The following LPP variants were observed in gnomAD, a reference collection of about 807,000 sequenced individuals.
LPP encodes lipoma-preferred partner.
LPP carries 38 observed loss-of-function variants against 60.4 expected under a neutral mutation model. The observed-to-expected ratio is 0.63, with a 90% confidence interval of 0.49 to 0.83. LPP has a LOEUF of 0.83. LPP is among the 40% of genes least tolerant of loss of function. The pLI is 0.00. For synonymous variants in LPP, 328 were observed against 290.8 expected (o/e 1.13, Z -1.30); for missense variants, 902 against 783.6 (o/e 1.15, Z -1.80).
chr3:188,617,541 C>G (rs1580432104), intron 7 of LPP, among the ~76,000 whole-genome samples: 1 of 152,174 alleles, frequency 6.6e-6, no homozygotes, highest in African/African-American at 2.4e-5. Context: ...TGTCTCACAG[C>G]TGCTCCTGTG....
chr3:188,662,618 C>T (rs1854842834), intron 7 of LPP, among the ~76,000 whole-genome samples: 1 of 152,322 alleles, frequency 6.6e-6, no homozygotes, highest in Non-Finnish European at 1.5e-5. Flanking sequence ...GTTCCAACAT[C>T]TTGTTGAATA....
At chr3:188,244,765 A>G (rs982521633) in intron 2 of LPP, among the ~76,000 whole-genome samples, 32 of 152,164 alleles carry the variant, frequency 2.1e-4, no homozygotes, top group African/African-American at 7.7e-4. Context: ...CTTTGGCTTA[A>G]TCACACTGCC....
chr3:188,594,428 G>A (rs1049187622), intron 6 of LPP, among the ~76,000 whole-genome samples: 5 of 152,124 alleles, frequency 3.3e-5, no homozygotes, highest in African/African-American at 4.8e-5. Context: ...GCAGTGGAGC[G>A]CTGTGTTCCA....
intron 4 of LPP, among the ~76,000 whole-genome samples, chr3:188,407,787 T>TTG (rs775435868): frequency 1.0e-5 from 1 of 100,294 alleles, no homozygotes; most frequent in Non-Finnish European, 2.0e-5. Context: ...TTTGTTTGTT[T>TTG]GTTTTTTTTT....
chr3:188,419,206 T>C (rs1187189432), intron 4 of LPP, among the ~76,000 whole-genome samples: 1 of 152,216 alleles, frequency 6.6e-6, no homozygotes, highest in Non-Finnish European at 1.5e-5. Flanking sequence ...TACTGGGTCC[T>C]ATTCACTTCC....
At chr3:188,860,571 G>A (rs1764948612) in intron 9 of LPP, among the ~76,000 whole-genome samples, 1 of 151,804 alleles carries the variant, frequency 6.6e-6, no homozygotes, top group South Asian at 2.1e-4. Context: ...GAACCCACTT[G>A]AAACACACTG....
At chr3:188,351,319 C>G (rs1053193636) in intron 3 of LPP, among the ~76,000 whole-genome samples, 1 of 152,092 alleles carries the variant, frequency 6.6e-6, no homozygotes, top group African/African-American at 2.4e-5. Context: ...TAGTCCAGCT[C>G]CCCCACCCCA....
intron 6 of LPP, among the ~76,000 whole-genome samples, chr3:188,600,200 GATAT>G (rs1275203929): frequency 1.4e-5 from 2 of 147,700 alleles, no homozygotes; most frequent in Non-Finnish European, 3.0e-5. Flanking sequence ...ATATATTTCT[GATAT>G]ATATTATGTT....
At chr3:188,580,445 A>G (rs1012739334) in intron 6 of LPP, among the ~76,000 whole-genome samples, 1 of 152,132 alleles carries the variant, frequency 6.6e-6, no homozygotes, top group Admixed American at 6.6e-5. Context: ...TATGTTGTGT[A>G]CTTTCTTTCC....
intron 7 of LPP, among the ~76,000 whole-genome samples, chr3:188,701,893 G>A (rs1338971664): frequency 6.7e-6 from 1 of 150,066 alleles, no homozygotes; most frequent in Non-Finnish European, 1.5e-5. Flanking sequence ...AACAGGCTTG[G>A]CATTGACCAT....
At chr3:188,727,853 G>A (rs959999693) in intron 8 of LPP, among the ~76,000 whole-genome samples, 7 of 152,150 alleles carry the variant, frequency 4.6e-5, no homozygotes, top group African/African-American at 1.7e-4. Flanking sequence ...ATCTTCATAA[G>A]CCAAGTCTCT....
chr3:188,708,747 A>G (rs1392667098), intron 8 of LPP: 2 of 336,346 alleles, frequency 5.9e-6, no homozygotes, highest in Non-Finnish European at 1.1e-5. Flanking sequence ...AGTCCCAGCT[A>G]CTCAGAAGGC....
intron 1 of LPP, among the ~76,000 whole-genome samples, chr3:188,159,149 A>T (rs1161608398): frequency 3.5e-5 from 5 of 142,010 alleles, no homozygotes; most frequent in African/African-American, 1.3e-4. Flanking sequence ...CAGAGTGGGG[A>T]AGTGACAGTC....
At chr3:188,857,873 G>T (rs576375482) in intron 9 of LPP, among the ~76,000 whole-genome samples, 1 of 152,298 alleles carries the variant, frequency 6.6e-6, no homozygotes, top group African/African-American at 2.4e-5. Flanking sequence ...TACATTAAAT[G>T]ATCAAAGGAT....
rs796715393 is a variant in LPP, at chr3:188,802,760, G to A, written c.1410+42478G>A. The stretch of plus-strand genomic sequence containing the variant: ...GATTGCACCACCGCACTCCAACCTG[G>A]GGAACAAGAGCGAGACTTTGTCTCA... On this transcript the variant is annotated intron_variant, in intron 9 of 11. Coordinates refer to ENST00000617246, the MANE Select transcript of LPP (RefSeq NM_001375462.1). 2.0e-5 allele frequency among the ~76,000 whole-genome samples: 3 copies of A among 151,932 alleles called. No homozygotes were observed. In the South Asian group the frequency reaches 6.2e-4, roughly 31 times the overall value.
At chr3:188,298,602 T>C (rs953708909) in intron 2 of LPP, among the ~76,000 whole-genome samples, 2 of 152,196 alleles carry the variant, frequency 1.3e-5, no homozygotes, top group African/African-American at 4.8e-5. Flanking sequence ...TTTACGGGTA[T>C]CAATTTACTT....
intron 6 of LPP, among the ~76,000 whole-genome samples, chr3:188,559,354 G>A (rs1318366283): frequency 1.3e-5 from 2 of 152,020 alleles, no homozygotes; most frequent in Non-Finnish European, 1.5e-5. Context: ...AGATATATAT[G>A]TAGTGTAACC....
At chr3:188,200,197 G>T (rs1319392216) in intron 1 of LPP, among the ~76,000 whole-genome samples, 1 of 151,566 alleles carries the variant, frequency 6.6e-6, no homozygotes, top group Non-Finnish European at 1.5e-5. Context: ...TAACAGGAAA[G>T]AGATGCTAAC....
At chr3:188,385,795 A>G (rs1374379859) in intron 3 of LPP, among the ~76,000 whole-genome samples, 1 of 152,200 alleles carries the variant, frequency 6.6e-6, no homozygotes, top group African/African-American at 2.4e-5. Context: ...TAACAGGAAG[A>G]TTCTAACACT....
Sources: gnomAD v4.1 joint callset for allele counts (sites outside exome capture counted in the v4.1 genomes callset) on GRCh38, gnomAD v4.1.1 for gene constraint, MANE v1.5 for transcripts, NCBI Gene and HGNC (gene_info 2026-07-23, HGNC 2026-07-21) for gene names.